The following ERBB4 variants were observed in gnomAD, a reference collection of about 807,000 sequenced individuals.
The protein encoded by ERBB4 is erb-b2 receptor tyrosine kinase 4.
Under a neutral mutation model 158.0 loss-of-function variants are expected in ERBB4, and 42 were observed. The ratio of observed to expected loss-of-function variants is 0.27; its 90% confidence interval spans 0.21 to 0.34. The LOEUF is 0.34. Among genes scored for constraint, ERBB4 ranks in the 10% least tolerant of loss-of-function variants. The probability of loss-of-function intolerance (pLI) is 1.00; values close to 1 mark genes in which losing one functional copy is unlikely to be tolerated. For missense variants in ERBB4, 1,333 were observed against 1,624.1 expected (o/e 0.82, Z 3.08); for synonymous variants, 583 against 558.7 (o/e 1.04, Z -0.61).
chr2:211,936,265 C>A lies in ERBB4; in HGVS notation c.421+11165G>T, dbSNP rs559403932. 1.1e-3 allele frequency among the ~76,000 whole-genome samples: 172 copies of A among 151,944 alleles called. 1 individual carries two copies. The highest frequency in any genetic ancestry group is 3.5e-3 in the African/African-American group (147 of 41,480). ...GACCAAATTAAAACTTGAAGTCCTT[C>A]TATTTCATAGTAAATTGAAAATCAA... On this transcript the variant is annotated intron_variant, in intron 3 of 27. Transcript: ENST00000342788.
intron 1 of ERBB4, among the ~76,000 whole-genome samples, chr2:212,134,572 A>T (rs2080209470): frequency 6.6e-6 from 1 of 151,780 alleles, no homozygotes; most frequent in African/African-American, 2.4e-5. Context: ...GTATCCTTTT[A>T]AAAAAAATCC....
chr2:211,887,253 TACACACAC>T (rs112197898), intron 3 of ERBB4, among the ~76,000 whole-genome samples: 9,293 of 145,380 alleles, frequency 0.064, 435 homozygotes, highest in Non-Finnish European at 0.092. Context: ...AACAGAGGAT[TACACACAC>T]ACACACACAC....
chr2:211,923,111 T>C (rs753272779), intron 3 of ERBB4, among the ~76,000 whole-genome samples: 1 of 152,130 alleles, frequency 6.6e-6, no homozygotes, highest in African/African-American at 2.4e-5. Flanking sequence ...AATTCTGATA[T>C]AATACTGGGG....
At chr2:211,894,366 TCA>T (rs2079046593) in intron 3 of ERBB4, among the ~76,000 whole-genome samples, 1 of 142,660 alleles carries the variant, frequency 7.0e-6, no homozygotes, top group Non-Finnish European at 1.5e-5. Flanking sequence ...AACAATGAGA[TCA>T]CATGGACACA....
intron 1 of ERBB4, among the ~76,000 whole-genome samples, chr2:212,506,396 G>A (rs1183248468): frequency 8.0e-6 from 1 of 124,330 alleles, no homozygotes; most frequent in Non-Finnish European, 2.0e-5. Flanking sequence ...ATTAAGTTTA[G>A]CAAGGAAGGC....
At chr2:212,184,101 A>C (rs2081948510) in intron 1 of ERBB4, among the ~76,000 whole-genome samples, 1 of 152,102 alleles carries the variant, frequency 6.6e-6, no homozygotes, top group Admixed American at 6.6e-5. Flanking sequence ...TGAATGTTTT[A>C]AAGTGAAATA....
intron 3 of ERBB4, among the ~76,000 whole-genome samples, chr2:211,847,454 G>A (rs1324050306): frequency 1.3e-5 from 2 of 152,066 alleles, no homozygotes; most frequent in Non-Finnish European, 2.9e-5. Flanking sequence ...AAGATTTAAG[G>A]TTTCAAATGG....
chr2:212,203,951 G>A (rs1223133450), intron 1 of ERBB4, among the ~76,000 whole-genome samples: 3 of 152,190 alleles, frequency 2.0e-5, no homozygotes, highest in Non-Finnish European at 2.9e-5. Context: ...GTTATTTGCT[G>A]TAGTATTCAT....
At chr2:211,900,341 CCAGT>C (rs1364515011) in intron 3 of ERBB4, among the ~76,000 whole-genome samples, 16 of 150,438 alleles carry the variant, frequency 1.1e-4, no homozygotes, top group Non-Finnish European at 1.5e-4. Flanking sequence ...TTTCTGCTGC[CCAGT>C]CAGAGTCTAA....
At chr2:212,200,034 C>G (rs575525236) in intron 1 of ERBB4, among the ~76,000 whole-genome samples, 1 of 152,144 alleles carries the variant, frequency 6.6e-6, no homozygotes, top group Admixed American at 6.5e-5. Flanking sequence ...ACTGAAAATC[C>G]TCAGCTATCT....
intron 1 of ERBB4, among the ~76,000 whole-genome samples, chr2:212,285,203 A>T (rs2085915646): frequency 6.6e-6 from 1 of 152,118 alleles, no homozygotes; most frequent in South Asian, 2.1e-4. Flanking sequence ...ATCATTCAGC[A>T]CTATGGTCAC....
At chr2:211,745,743 ACCCTT>A in intron 5 of ERBB4, among the ~76,000 whole-genome samples, 1 of 150,950 alleles carries the variant, frequency 6.6e-6, no homozygotes, top group Admixed American at 6.6e-5. Flanking sequence ...AACAAAAAAA[ACCCTT>A]AGGTAAGTAT....
chr2:211,747,743 T>C (rs2075015658), intron 5 of ERBB4, among the ~76,000 whole-genome samples: 1 of 152,000 alleles, frequency 6.6e-6, no homozygotes, highest in Non-Finnish European at 1.5e-5. Flanking sequence ...CATTCTACCC[T>C]AATACAGTGA....
At chr2:212,172,764 T>G (rs2081556924) in intron 1 of ERBB4, among the ~76,000 whole-genome samples, 1 of 151,718 alleles carries the variant, frequency 6.6e-6, no homozygotes, top group South Asian at 2.1e-4. Context: ...GTGGAAAAAC[T>G]CACACTGGGG....
chr2:211,778,747 A>T (rs575535361), intron 4 of ERBB4: 11 of 152,278 alleles, frequency 7.2e-5, no homozygotes, highest in Admixed American at 6.5e-4. Context: ...TTTAGGGGCC[A>T]TTAACTTTAT....
chr2:212,397,331 G>A (rs1238042185), intron 1 of ERBB4, among the ~76,000 whole-genome samples: 1 of 151,940 alleles, frequency 6.6e-6, no homozygotes, highest in East Asian at 1.9e-4. Flanking sequence ...AAAACAGCCA[G>A]GCATGGTGGC....
At chr2:211,548,727 A>G (rs535191296) in intron 20 of ERBB4, among the ~76,000 whole-genome samples, 1 of 152,164 alleles carries the variant, frequency 6.6e-6, no homozygotes, top group South Asian at 2.1e-4. Context: ...AACACAGCAC[A>G]TTAGATGATC....
chr2:211,894,561 T>TA lies in ERBB4; in HGVS notation c.421+52868dup, dbSNP rs201066895. On this transcript the variant is annotated intron_variant, in intron 3 of 27. Coordinates refer to ENST00000342788, the MANE Select transcript of ERBB4 (RefSeq NM_005235.3). ...ATGTACCCTAAAACTTAAAGTATAA[T>TA]AAAAAAAAAATTCATTTCACTAAAC... Among the ~76,000 whole-genome samples, 60 of 149,896 alleles carry TA rather than the reference T, an allele frequency of 4.0e-4. No individual in the cohort carries two copies. The South Asian group carries it at 4.2e-3, about 11-fold the overall frequency.
chr2:212,503,993 C>T (rs1198262118), intron 1 of ERBB4, among the ~76,000 whole-genome samples: 3 of 152,164 alleles, frequency 2.0e-5, no homozygotes, highest in African/African-American at 7.2e-5. Flanking sequence ...TGTTTGTAGA[C>T]ACCTTGAAAA....
Sources: gnomAD v4.1 joint callset for allele counts (sites outside exome capture counted in the v4.1 genomes callset) on GRCh38, gnomAD v4.1.1 for gene constraint, MANE v1.5 for transcripts, NCBI Gene and HGNC (gene_info 2026-07-23, HGNC 2026-07-21) for gene names.